Variants in BMPR1B observed in about 807,000 individuals in gnomAD.
BMPR1B encodes the protein bone morphogenetic protein receptor type-1B.
BMPR1B carries 12 observed loss-of-function variants against 59.1 expected under a neutral mutation model. The ratio of observed to expected loss-of-function variants is 0.20; its 90% CI spans 0.13 to 0.33. The LOEUF is 0.33. Ranked by LOEUF, BMPR1B falls within the 10% of genes least tolerant of loss-of-function variation. The pLI is 1.00. For synonymous variants in BMPR1B, 237 were observed against 207.3 expected (o/e 1.14, Z -1.23); for missense variants, 550 against 610.9 (o/e 0.90, Z 1.05).
At chr4:94,782,409 G>C (rs1375607982) in intron 1 of BMPR1B, among the ~76,000 whole-genome samples, 1 of 151,656 alleles carries the variant, frequency 6.6e-6, no homozygotes, top group African/African-American at 2.4e-5. Flanking sequence ...AGGCTCAAGT[G>C]ATCATCCCAC....
chr4:95,093,864 A>G (rs1310054809), intron 3 of BMPR1B, among the ~76,000 whole-genome samples: 9 of 152,018 alleles, frequency 5.9e-5, no homozygotes, highest in Admixed American at 5.3e-4. Context: ...CTCTTAACCT[A>G]CTCATTAGTG....
intron 3 of BMPR1B, among the ~76,000 whole-genome samples, chr4:95,000,957 T>G (rs1722403308): frequency 6.6e-6 from 1 of 152,200 alleles, no homozygotes; most frequent in Non-Finnish European, 1.5e-5. Flanking sequence ...GAAGTGGGAC[T>G]TGAAAGCTTT....
intron 1 of BMPR1B, among the ~76,000 whole-genome samples, chr4:94,818,829 C>T (rs1309730274): frequency 6.6e-6 from 1 of 152,010 alleles, no homozygotes; most frequent in Non-Finnish European, 1.5e-5. Context: ...GAATATCAAG[C>T]CTGTTTAATT....
At chr4:95,094,594 C>T (rs755832798) in intron 3 of BMPR1B, among the ~76,000 whole-genome samples, 22 of 152,106 alleles carry the variant, frequency 1.4e-4, no homozygotes, top group Non-Finnish European at 2.9e-4. Flanking sequence ...ATGTGGATTT[C>T]TCCTCCACCC....
intron 3 of BMPR1B, among the ~76,000 whole-genome samples, chr4:95,033,270 T>C (rs1241190410): frequency 6.6e-6 from 1 of 152,000 alleles, no homozygotes; most frequent in African/African-American, 2.4e-5. Flanking sequence ...ATCCTTTGCA[T>C]AGAAGTTTTT....
At chr4:95,115,911 GC>G in intron 6 of BMPR1B, 124 bp downstream of exon 6, 1 of 853,536 alleles carries the variant, frequency 1.2e-6, no homozygotes, top group Non-Finnish European at 1.9e-6. Flanking sequence ...GAGCACTGAG[GC>G]CAGATGACAT....
At chr4:94,981,444 A>G (rs1035372848) in intron 2 of BMPR1B, among the ~76,000 whole-genome samples, 7 of 152,192 alleles carry the variant, frequency 4.6e-5, no homozygotes, top group African/African-American at 1.7e-4. Flanking sequence ...TAATATTTCT[A>G]ATAGAAACAC....
chr4:94,814,082 A>G (rs747129331), intron 1 of BMPR1B, among the ~76,000 whole-genome samples: 5 of 152,316 alleles, frequency 3.3e-5, no homozygotes, highest in South Asian at 4.1e-4. Context: ...ATTTGAGAAA[A>G]ATAGGATTAA....
At chr4:94,796,404 A>T (rs1163889054) in intron 1 of BMPR1B, among the ~76,000 whole-genome samples, 4 of 152,226 alleles carry the variant, frequency 2.6e-5, no homozygotes, top group Non-Finnish European at 5.9e-5. Flanking sequence ...GAGTTGTGAC[A>T]GATGTTTGTG....
intron 1 of BMPR1B, among the ~76,000 whole-genome samples, chr4:94,841,357 C>G (rs1026639077): frequency 6.7e-6 from 1 of 149,014 alleles, no homozygotes; most frequent in Non-Finnish European, 1.5e-5. Flanking sequence ...GCCCCTCCCC[C>G]AGCCTCGCTG....
At chr4:94,821,476 AC>A (rs1220214241) in intron 1 of BMPR1B, among the ~76,000 whole-genome samples, 1 of 152,158 alleles carries the variant, frequency 6.6e-6, no homozygotes, top group African/African-American at 2.4e-5. Flanking sequence ...TAATTTTTTT[AC>A]TTAAACTCTA....
At chr4:95,017,591 G>C (rs1723668933) in intron 3 of BMPR1B, among the ~76,000 whole-genome samples, 1 of 152,200 alleles carries the variant, frequency 6.6e-6, no homozygotes, top group African/African-American at 2.4e-5. Flanking sequence ...GTGTTTCCTA[G>C]ACAGATGAAT....
chr4:94,859,190 CTT>C (rs752407330), intron 1 of BMPR1B, among the ~76,000 whole-genome samples: 4 of 152,042 alleles, frequency 2.6e-5, no homozygotes, highest in Non-Finnish European at 5.9e-5. Flanking sequence ...AGAGGCCACT[CTT>C]TATGTTAGAA....
intron 1 of BMPR1B, among the ~76,000 whole-genome samples, chr4:94,852,451 C>CT (rs1485344568): frequency 8.5e-5 from 13 of 152,162 alleles, no homozygotes; most frequent in African/African-American, 2.2e-4. Flanking sequence ...AATTGATAAG[C>CT]TATATTTTAA....
chr4:94,913,116 T>G (rs912300285), intron 2 of BMPR1B, among the ~76,000 whole-genome samples: 1 of 152,174 alleles, frequency 6.6e-6, no homozygotes, highest in African/African-American at 2.4e-5. Context: ...GAATATTTGA[T>G]GTAATTTTTT....
Position 95,123,855 on chromosome 4 carries a change from T to G in BMPR1B, c.395T>G (p.Val132Gly), listed in dbSNP as rs150002205. The change falls in exon 7 of 13, where the codon GTG becomes GGG. Residue 132 changes from valine to glycine, a missense_variant. Coordinates refer to ENST00000515059, the MANE Select transcript of BMPR1B (RefSeq NM_001203.3). ...CACCACAGGGCTTTACTTATATCTGTGACTGTCTGTAGTTTGCTCTTGGTC... is the reference window on the plus strand; with the variant it reads ...CACCACAGGGCTTTACTTATATCTGGGACTGTCTGTAGTTTGCTCTTGGTC... ...PIHHRALLISVTVCSLLLVLI... is the reference protein window; with the variant it reads ...PIHHRALLISGTVCSLLLVLI... 70 of 1,612,426 alleles carry G rather than the reference T, an allele frequency of 4.3e-5. No homozygotes were observed. The highest frequency in any genetic ancestry group is 5.6e-5 in the Non-Finnish European group (66 of 1,179,420).
intron 3 of BMPR1B, among the ~76,000 whole-genome samples, chr4:94,999,425 TGC>T (rs1022557091): frequency 1.5e-4 from 19 of 128,226 alleles, no homozygotes; most frequent in African/African-American, 4.7e-4. Flanking sequence ...ATCAGTGTTG[TGC>T]GTGTGTGTGT....
intron 2 of BMPR1B, among the ~76,000 whole-genome samples, chr4:94,972,587 T>A (rs1480943145): frequency 2.6e-5 from 4 of 152,130 alleles, no homozygotes; most frequent in Non-Finnish European, 5.9e-5. Flanking sequence ...CTTTAAACAT[T>A]TGCATAATAT....
intron 3 of BMPR1B, among the ~76,000 whole-genome samples, chr4:95,097,113 A>G (rs1168757856): frequency 8.2e-6 from 1 of 121,530 alleles, no homozygotes; most frequent in East Asian, 2.1e-4. Flanking sequence ...ATATAAAACT[A>G]TAATTTATAT....
Sources: gnomAD v4.1 joint callset for allele counts (sites outside exome capture counted in the v4.1 genomes callset) on GRCh38, gnomAD v4.1.1 for gene constraint, MANE v1.5 for transcripts, NCBI Gene and HGNC (gene_info 2026-07-23, HGNC 2026-07-21) for gene names.